The following CTNND2 variants were observed in gnomAD, a reference collection of about 807,000 sequenced individuals.
CTNND2 encodes catenin delta 2, also known as catenin delta-2.
Under a neutral mutation model 144.4 loss-of-function variants are expected in CTNND2, and 22 were observed. The observed-to-expected ratio is 0.15, with a 90% confidence interval of 0.11 to 0.22. CTNND2 has a LOEUF of 0.22. CTNND2 is among the 10% of genes least tolerant of loss of function. The pLI, the probability that CTNND2 is intolerant of heterozygous loss-of-function variation, is 1.00. For synonymous variants in CTNND2, 751 were observed against 695.6 expected, an observed-to-expected ratio of 1.08 and a Z score of -1.25; for missense variants, 1,353 against 1,618.8, an observed-to-expected ratio of 0.84 and a Z score of 2.82.
intron 3 of CTNND2, among the ~76,000 whole-genome samples, chr5:11,419,096 A>T (rs1762156350): frequency 6.6e-6 from 1 of 151,154 alleles, no homozygotes; most frequent in African/African-American, 2.4e-5. Flanking sequence ...AAAACATATG[A>T]ACTGAAAAGG....
At position 11,240,037 on chromosome 5, in the gene CTNND2, A is replaced by G. The variant is rs768460117; in HGVS notation, c.1629-3214T>C. Among the ~76,000 whole-genome samples, 14 of 152,100 alleles carry G rather than the reference A, an allele frequency of 9.2e-5. No homozygotes were observed. The East Asian group carries it at 9.6e-4, about 10-fold the overall frequency. ...TAACGAATGAAGAAAGGGCTTGGACATGGACAGTGTTTCCACAGTTCTACC... is the reference window on the plus strand; with the variant it reads ...TAACGAATGAAGAAAGGGCTTGGACGTGGACAGTGTTTCCACAGTTCTACC... On this transcript the variant is annotated intron_variant, in intron 9 of 21. Coordinates refer to ENST00000304623, the MANE Select transcript of CTNND2 (RefSeq NM_001332.4).
At chr5:11,490,807 T>C (rs1274809581) in intron 3 of CTNND2, among the ~76,000 whole-genome samples, 1 of 152,114 alleles carries the variant, frequency 6.6e-6, no homozygotes, top group Non-Finnish European at 1.5e-5. Flanking sequence ...AGATAAAATA[T>C]GCCAAATAAT....
chr5:11,774,447 G>C (rs1790125138), intron 1 of CTNND2, among the ~76,000 whole-genome samples: 1 of 148,272 alleles, frequency 6.7e-6, no homozygotes, highest in African/African-American at 2.5e-5. Context: ...TATACCTAAT[G>C]CTAGATGACG....
chr5:11,131,040 C>T (rs1253150085), intron 12 of CTNND2, among the ~76,000 whole-genome samples: 2 of 152,102 alleles, frequency 1.3e-5, no homozygotes, highest in African/African-American at 4.8e-5. Context: ...TACAAAGTTA[C>T]AAACACAGCG....
chr5:11,555,708 A>AT (rs201590764), intron 3 of CTNND2, among the ~76,000 whole-genome samples: 68 of 107,668 alleles, frequency 6.3e-4, no homozygotes, highest in Admixed American at 4.5e-3. Context: ...TAGAATTAAA[A>AT]TAAAAAAAAA....
intron 12 of CTNND2, among the ~76,000 whole-genome samples, chr5:11,125,581 C>T (rs1411530236): frequency 6.6e-6 from 1 of 152,206 alleles, no homozygotes. Context: ...TGAGCAGCTG[C>T]TCCACCAGAG....
At chr5:11,279,246 G>A (rs1746868535) in intron 9 of CTNND2, among the ~76,000 whole-genome samples, 2 of 152,104 alleles carry the variant, frequency 1.3e-5, no homozygotes, top group South Asian at 4.2e-4. Context: ...AGAGACATTT[G>A]AAACCAAATA....
intron 11 of CTNND2, among the ~76,000 whole-genome samples, chr5:11,174,039 G>GT (rs1183736049): frequency 6.6e-6 from 1 of 152,146 alleles, no homozygotes. Flanking sequence ...TAATTCAGAC[G>GT]TAACACTGGC....
At chr5:11,030,848 T>A (rs1319593015) in intron 16 of CTNND2, among the ~76,000 whole-genome samples, 1 of 151,828 alleles carries the variant, frequency 6.6e-6, no homozygotes, top group African/African-American at 2.4e-5. Flanking sequence ...TTTTTTATTG[T>A]TGTTGAAACT....
intron 18 of CTNND2, among the ~76,000 whole-genome samples, chr5:11,002,998 G>C (rs888078279): frequency 6.6e-6 from 1 of 152,188 alleles, no homozygotes; most frequent in African/African-American, 2.4e-5. Flanking sequence ...GTTGGCCTAT[G>C]TATGGCCTTT....
intron 12 of CTNND2, among the ~76,000 whole-genome samples, chr5:11,138,168 C>T (rs888265325): frequency 6.6e-6 from 1 of 152,194 alleles, no homozygotes; most frequent in African/African-American, 2.4e-5. Flanking sequence ...GTGTGGCCTC[C>T]TTTCTCCATC....
chr5:11,101,851 G>C (rs1414388434), intron 14 of CTNND2, among the ~76,000 whole-genome samples: 1 of 150,020 alleles, frequency 6.7e-6, no homozygotes, highest in Non-Finnish European at 1.5e-5. Flanking sequence ...TGCCAGAAAA[G>C]GACTTTTTAT....
At position 11,461,550 on chromosome 5, in the gene CTNND2, G is replaced by A. The variant is rs78254096; in HGVS notation, c.288-49481C>T. 3.2e-3 allele frequency among the ~76,000 whole-genome samples: 484 copies of A among 152,242 alleles called. 1 individual carries two copies. Among genetic ancestry groups the A allele is most frequent in the Middle Eastern group, 0.02 (6 of 294 alleles). ...TTGCTTGGGGTGGTCTAACGCCAGA[G>A]ACCCCAGCTGAAGCTTGCTGTGGAT... On this transcript the variant is annotated intron_variant, in intron 3 of 21. Coordinates refer to ENST00000304623, the MANE Select transcript of CTNND2 (RefSeq NM_001332.4).
chr5:11,300,191 C>T (rs1230157209), intron 9 of CTNND2, among the ~76,000 whole-genome samples: 1 of 152,058 alleles, frequency 6.6e-6, no homozygotes, highest in African/African-American at 2.4e-5. Flanking sequence ...ATTTCCTGCT[C>T]TTAGGAAAAG....
At chr5:11,546,854 T>C (rs1775279774) in intron 3 of CTNND2, among the ~76,000 whole-genome samples, 1 of 152,176 alleles carries the variant, frequency 6.6e-6, no homozygotes, top group African/African-American at 2.4e-5. Flanking sequence ...AGATATGGCA[T>C]TAAAGCTTAT....
intron 12 of CTNND2, among the ~76,000 whole-genome samples, chr5:11,135,536 T>C (rs1474547880): frequency 1.3e-5 from 2 of 152,216 alleles, no homozygotes; most frequent in East Asian, 1.9e-4. Flanking sequence ...AGTGATTGAA[T>C]GACTTCATTT....
chr5:11,897,414 G>A (rs1159680002), intron 1 of CTNND2, among the ~76,000 whole-genome samples: 29 of 152,100 alleles, frequency 1.9e-4, no homozygotes, highest in Non-Finnish European at 2.9e-5. Flanking sequence ...CTGTGTCCAT[G>A]ATTTCTCCTA....
intron 10 of CTNND2, among the ~76,000 whole-genome samples, chr5:11,199,965 T>C (rs1580566633): frequency 6.6e-6 from 1 of 152,202 alleles, no homozygotes; most frequent in African/African-American, 2.4e-5. Flanking sequence ...CACAACCTCA[T>C]GGATGAAGCA....
chr5:11,096,515 T>C (rs752640307), intron 15 of CTNND2, among the ~76,000 whole-genome samples: 8 of 152,208 alleles, frequency 5.3e-5, no homozygotes, highest in Admixed American at 1.3e-4. Context: ...TATGGATGCA[T>C]AGTATTCCAT....
Sources: allele counts gnomAD v4.1 joint callset (sites outside exome capture counted in the v4.1 genomes callset), GRCh38; gene constraint gnomAD v4.1.1; transcripts MANE v1.5; gene names NCBI Gene and HGNC (gene_info 2026-07-23, HGNC 2026-07-21).